Variants in CHD8 observed in about 807,000 individuals in gnomAD.
CHD8 encodes chromodomain helicase DNA binding protein 8.
CHD8 carries 31 observed loss-of-function variants against 279.2 expected under a neutral mutation model. The ratio of observed to expected loss-of-function variants is 0.11; its 90% CI spans 0.08 to 0.15. CHD8 has a LOEUF of 0.15. CHD8 is among the 10% of genes least tolerant of loss of function. The pLI is 1.00. For missense variants in CHD8, 2,146 were observed against 3,230.5 expected, an observed-to-expected ratio of 0.66 and a Z score of 8.14; for synonymous variants, 1,081 against 1,139.6, an observed-to-expected ratio of 0.95 and a Z score of 1.04.
At chr14:21,443,714 G>A (rs1454133893) in intron 1 of CHD8, among the ~76,000 whole-genome samples, 1 of 151,848 alleles carries the variant, frequency 6.6e-6, no homozygotes, top group Non-Finnish European at 1.5e-5. Flanking sequence ...AAATTAGCTA[G>A]GTGTGGTGGT....
chr14:21,403,724 ATTTAACTAAG>A lies in CHD8; in HGVS notation c.3308-71_3308-62del, dbSNP rs1888132188. The A allele has an allele frequency of 7.4e-7, 1 of 1,351,280 alleles. No homozygotes were observed. Among genetic ancestry groups the A allele is most frequent in the African/African-American group, 1.5e-5 (1 of 68,436 alleles). 83.7% of individuals were successfully genotyped at this position (1,351,280 alleles called of 1,614,324 possible). On this transcript the variant is annotated intron_variant, in intron 16 of 37. Transcript: ENST00000646647. This position sits in a 1 kb window ranked among gnomAD's most constrained non-coding sequence, Gnocchi z 4.3. ...GTGAACCATATTAAGGTTGTAGTCT[ATTTAACTAAG>A]AAAGCAAAAGGAAAAAAATGTAATT...
intron 1 of CHD8, among the ~76,000 whole-genome samples, chr14:21,433,116 T>C (rs191757985): frequency 5.9e-5 from 9 of 152,344 alleles, no homozygotes; most frequent in African/African-American, 1.9e-4. Context: ...CAGCAGGACA[T>C]AGCACATATA....
At chr14:21,409,234 C>T (rs1377205753) in intron 11 of CHD8, among the ~76,000 whole-genome samples, 1 of 152,182 alleles carries the variant, frequency 6.6e-6, no homozygotes, top group Non-Finnish European at 1.5e-5. Flanking sequence ...TAAACCTAAG[C>T]ATTCATGTGA....
In CHD8 at chr14:21,405,928, C is replaced by G. The variant is rs147701963; in HGVS notation, c.2908-64G>C. 9.8e-6 allele frequency: 13 copies of G among 1,326,748 alleles called. No homozygotes were observed. The highest frequency in any genetic ancestry group is 3.7e-4 in the Middle Eastern group (2 of 5,346). 82.2% of individuals were successfully genotyped at this position (1,326,748 alleles called of 1,614,324 possible). ...ATGAAGGACTTCTGGGGTTTCCTAT[C>G]AAGTATATAATCTTTAACATATATA... On this transcript the variant is annotated intron_variant, in intron 14 of 37. Coordinates refer to ENST00000646647, the MANE Select transcript of CHD8 (RefSeq NM_001170629.2). The surrounding 1 kb of genome is among the most constrained non-coding windows in gnomAD (Gnocchi z 4.2).
At chr14:21,440,873 C>G (rs1444052468) in intron 1 of CHD8, among the ~76,000 whole-genome samples, 3 of 152,096 alleles carry the variant, frequency 2.0e-5, no homozygotes, top group Non-Finnish European at 4.4e-5. Context: ...GGACAGAGGA[C>G]ACAGAAGCAG....
chr14:21,417,788 A>C (rs918456908), intron 5 of CHD8, among the ~76,000 whole-genome samples: 1 of 149,032 alleles, frequency 6.7e-6, no homozygotes, highest in Admixed American at 6.7e-5. Context: ...TGGGAGGTGG[A>C]GCTTGCAGTG....
chr14:21,436,587 A>G (rs921353579), intron 1 of CHD8, among the ~76,000 whole-genome samples: 22 of 152,184 alleles, frequency 1.4e-4, no homozygotes, highest in African/African-American at 5.1e-4. Context: ...CTCTGTCTTC[A>G]CCATTCTCAC....
At chr14:21,386,422 AGTTTTT>A in intron 37 of CHD8, 1 of 550,808 alleles carries the variant, frequency 1.8e-6, no homozygotes, top group African/African-American at 1.9e-5. Flanking sequence ...CATATTAACC[AGTTTTT>A]GCTTCTTTTC....
At chr14:21,448,208 A>T (rs1232310286) in intron 1 of CHD8, among the ~76,000 whole-genome samples, 1 of 152,244 alleles carries the variant, frequency 6.6e-6, no homozygotes, top group African/African-American at 2.4e-5. Flanking sequence ...AAGCACTGTT[A>T]TTATCAGACT....
chr14:21,401,294 A>G (rs923781696), intron 21 of CHD8, 109 bp downstream of exon 21: 3 of 778,718 alleles, frequency 3.9e-6, no homozygotes, highest in Non-Finnish European at 6.1e-6. Flanking sequence ...CTTGTATACA[A>G]TACACCATCA....
At chr14:21,424,637 A>C (rs1889222961) in intron 5 of CHD8, among the ~76,000 whole-genome samples, 1 of 151,858 alleles carries the variant, frequency 6.6e-6, no homozygotes, top group African/African-American at 2.4e-5. Context: ...CGCCCGGCTA[A>C]TTTTTTTGTA....
intron 5 of CHD8, among the ~76,000 whole-genome samples, chr14:21,417,864 A>AT (rs1566435557): frequency 5.8e-4 from 79 of 135,884 alleles, no homozygotes; most frequent in African/African-American, 2.1e-3. Context: ...AAAAAAAAAA[A>AT]AATATATATA....
intron 21 of CHD8, 32 bp from the exon 22 acceptor site, chr14:21,401,103 CT>C (rs1392422413): frequency 1.3e-6 from 2 of 1,492,226 alleles, no homozygotes; most frequent in Non-Finnish European, 9.1e-7. Context: ...AAGTAATTCT[CT>C]TCCTGATTTG....
At chr14:21,435,876 A>T (rs1889760865) in intron 1 of CHD8, among the ~76,000 whole-genome samples, 1 of 152,340 alleles carries the variant, frequency 6.6e-6, no homozygotes, top group South Asian at 2.1e-4. Context: ...TGGCAGAGTT[A>T]CCAGTATCTT....
At chr14:21,395,699 A>T (rs1405950558) in intron 28 of CHD8, 118 bp downstream of exon 28, 10 of 718,582 alleles carry the variant, frequency 1.4e-5, no homozygotes, top group Admixed American at 2.5e-5. Flanking sequence ...AAATGGTATA[A>T]TTCATTTTCC....
At chr14:21,446,312 T>C (rs984463068) in intron 1 of CHD8, among the ~76,000 whole-genome samples, 1 of 67,506 alleles carries the variant, frequency 1.5e-5, no homozygotes, top group Non-Finnish European at 3.1e-5. Flanking sequence ...AATTTTCTTC[T>C]TCTTCTTTTT....
At chr14:21,388,517 G>C (rs1044546614) in intron 37 of CHD8, among the ~76,000 whole-genome samples, 1 of 151,978 alleles carries the variant, frequency 6.6e-6, no homozygotes, top group African/African-American at 2.4e-5. Flanking sequence ...TTTGAGGCAG[G>C]GTCTCACACT....
rs745891727 is a variant in CHD8 at position 21,400,598 on chromosome 14, C to T, written c.4385G>A (p.Arg1462Gln). The T allele has an allele frequency of 6.3e-6, 10 of 1,576,512 alleles. No homozygotes were observed. Among genetic ancestry groups the T allele is most frequent in the Non-Finnish European group, 6.8e-6 (8 of 1,169,246 alleles). The change falls in exon 23 of 38, where the codon CGA (arginine) becomes CAA (glutamine). Residue 1462 changes from arginine to glutamine, a missense_variant. By Grantham distance (43) the Arg-to-Gln change is conservative. Around this residue, in one of 26 missense-constraint regions of CHD8, gnomAD observed 73 missense variants for 153.2 expected, o/e 0.48. Coordinates refer to ENST00000646647, the MANE Select transcript of CHD8 (RefSeq NM_001170629.2). This position sits in a 1 kb window ranked among gnomAD's most constrained non-coding sequence, Gnocchi z 4.2. ...HLLVYGWGRW[R>Q]DILSHGRFKR... ...GAAGCGTCCATGAGATAAAATATCT[C>T]GCCATCGTCCCCAACTAAAAAACAG...
At chr14:21,450,889 A>G (rs1008945580) in intron 1 of CHD8, among the ~76,000 whole-genome samples, 3 of 151,872 alleles carry the variant, frequency 2.0e-5, no homozygotes, top group African/African-American at 7.3e-5. Flanking sequence ...GCACTATCAC[A>G]TTTAAGGTGC....
Sources: gnomAD v4.1 joint callset for allele counts (sites outside exome capture counted in the v4.1 genomes callset) on GRCh38, gnomAD v4.1.1 for gene constraint, gnomAD v4.1.1 regional missense constraint, Gnocchi (gnomAD v3.1) non-coding constraint, MANE v1.5 for transcripts, NCBI Gene and HGNC (gene_info 2026-07-23, HGNC 2026-07-21) for gene names.